PCDH9: variants seen among roughly 807,000 people sequenced by gnomAD.
PCDH9 encodes protocadherin 9, also known as protocadherin-9.
In PCDH9, 24 loss-of-function variants were observed where a neutral mutation model predicts 70.6. The ratio of observed to expected loss-of-function variants is 0.34; its 90% CI spans 0.25 to 0.48. PCDH9 has a LOEUF of 0.48. Ranked by LOEUF, PCDH9 falls within the 20% of genes least tolerant of loss-of-function variation. PCDH9 has a pLI of 0.99. For missense variants in PCDH9, 1,281 were observed against 1,503.6 expected, an observed-to-expected ratio of 0.85 and a Z score of 2.45; for synonymous variants, 562 against 558.5, an observed-to-expected ratio of 1.01 and a Z score of -0.09.
At chr13:66,896,172 GATCA>G (rs2082175358) in intron 3 of PCDH9, among the ~76,000 whole-genome samples, 1 of 152,118 alleles carries the variant, frequency 6.6e-6, no homozygotes, top group Non-Finnish European at 1.5e-5. Flanking sequence ...AGAAGGTGAT[GATCA>G]ATCTTTATAG....
intron 2 of PCDH9, among the ~76,000 whole-genome samples, chr13:67,101,484 A>G (rs552697715): frequency 9.2e-5 from 14 of 152,286 alleles, no homozygotes; most frequent in African/African-American, 2.9e-4. Context: ...AATTTCCCTC[A>G]CCCATTTAGA....
chr13:67,037,633 G>A (rs1383757162), intron 2 of PCDH9, among the ~76,000 whole-genome samples: 1 of 152,124 alleles, frequency 6.6e-6, no homozygotes, highest in African/African-American at 2.4e-5. Flanking sequence ...TTGTTACATT[G>A]TGAAAATCTG....
At chr13:66,514,031 G>C (rs1016557473) in intron 4 of PCDH9, among the ~76,000 whole-genome samples, 4 of 152,056 alleles carry the variant, frequency 2.6e-5, no homozygotes, top group Non-Finnish European at 4.4e-5. Context: ...GTGACCCCGA[G>C]TCCACATCCA....
intron 3 of PCDH9, among the ~76,000 whole-genome samples, chr13:66,736,391 T>C (rs1006485204): frequency 4.6e-5 from 7 of 152,158 alleles, no homozygotes; most frequent in African/African-American, 1.7e-4. Context: ...GGAAAGAACA[T>C]GTGAGGACAC....
chr13:67,015,368 T>C (rs1200251151), intron 2 of PCDH9, among the ~76,000 whole-genome samples: 1 of 152,140 alleles, frequency 6.6e-6, no homozygotes, highest in Non-Finnish European at 1.5e-5. Context: ...CAGAAGATAA[T>C]GAAGCTTAAT....
Position 66,568,206 on chromosome 13 carries a change from A to G in PCDH9, c.3340+63004T>C, listed in dbSNP as rs574433312. ...CTCTTTTTATCTACCATGTGAGGAC[A>G]CAGCAAGAACACAGCCATGTGCAAA... is the stretch of plus-strand genomic sequence containing the variant. On this transcript the variant is annotated intron_variant, in intron 4 of 4. Transcript: ENST00000377865. 1.8e-4 allele frequency among the ~76,000 whole-genome samples: 28 copies of G among 152,262 alleles called. No homozygotes were observed. The South Asian group carries it at 3.3e-3, about 18-fold the overall frequency.
chr13:66,913,768 G>GGAC (rs1202603810), intron 2 of PCDH9, among the ~76,000 whole-genome samples: 1 of 151,882 alleles, frequency 6.6e-6, no homozygotes, highest in African/African-American at 2.4e-5. Context: ...GTTGTTAAAG[G>GGAC]GACTGTAGGA....
At chr13:66,516,924 C>T (rs1959764274) in intron 4 of PCDH9, among the ~76,000 whole-genome samples, 1 of 152,084 alleles carries the variant, frequency 6.6e-6, no homozygotes, top group Non-Finnish European at 1.5e-5. Flanking sequence ...AATTTAAATG[C>T]TATTTGCTAT....
At chr13:66,927,982 T>C (rs1467706413) in intron 2 of PCDH9, among the ~76,000 whole-genome samples, 1 of 152,014 alleles carries the variant, frequency 6.6e-6, no homozygotes, top group Non-Finnish European at 1.5e-5. Flanking sequence ...TAATTTGAGG[T>C]CCTATTTGAA....
chr13:66,702,240 T>C (rs2078656891), intron 3 of PCDH9, among the ~76,000 whole-genome samples: 1 of 152,106 alleles, frequency 6.6e-6, no homozygotes, highest in Admixed American at 6.5e-5. Context: ...GTATATAGAA[T>C]TGAAATCTGA....
chr13:66,359,613 T>C (rs1956436087), intron 4 of PCDH9, among the ~76,000 whole-genome samples: 1 of 152,176 alleles, frequency 6.6e-6, no homozygotes, highest in African/African-American at 2.4e-5. Flanking sequence ...ACAATGAAGA[T>C]GAATTACATT....
At chr13:66,319,319 A>G (rs1955709666) in intron 4 of PCDH9, among the ~76,000 whole-genome samples, 1 of 152,134 alleles carries the variant, frequency 6.6e-6, no homozygotes, top group Non-Finnish European at 1.5e-5. Flanking sequence ...GGGGACTCAG[A>G]GCCAAACCAT....
chr13:66,462,998 A>G (rs1594020213), intron 4 of PCDH9, among the ~76,000 whole-genome samples: 2 of 151,880 alleles, frequency 1.3e-5, no homozygotes. Flanking sequence ...AGCTAGCCCA[A>G]TAAAATGCCA....
intron 3 of PCDH9, among the ~76,000 whole-genome samples, chr13:66,870,029 T>G (rs1275830145): frequency 6.6e-6 from 1 of 152,078 alleles, no homozygotes; most frequent in African/African-American, 2.4e-5. Context: ...ATGTCTAGGT[T>G]TTCTTCTAGG....
chr13:66,310,037 C>A (rs1955535736), intron 4 of PCDH9, among the ~76,000 whole-genome samples: 1 of 151,804 alleles, frequency 6.6e-6, no homozygotes, highest in Non-Finnish European at 1.5e-5. Flanking sequence ...ATTTTTTAAA[C>A]ACTGAAACAT....
At chr13:66,756,000 A>G (rs762367650) in intron 3 of PCDH9, among the ~76,000 whole-genome samples, 1 of 152,110 alleles carries the variant, frequency 6.6e-6, no homozygotes, top group Non-Finnish European at 1.5e-5. Context: ...ATGATTGCCC[A>G]GTAATTGTGG....
At chr13:66,729,799 G>A (rs1207394722) in intron 3 of PCDH9, among the ~76,000 whole-genome samples, 1 of 152,116 alleles carries the variant, frequency 6.6e-6, no homozygotes, top group Non-Finnish European at 1.5e-5. Flanking sequence ...TTCCTGAAAT[G>A]TCTTGACTTT....
intron 4 of PCDH9, among the ~76,000 whole-genome samples, chr13:66,381,422 C>G (rs1378912276): frequency 3.3e-5 from 5 of 152,170 alleles, no homozygotes; most frequent in Non-Finnish European, 7.4e-5. Flanking sequence ...CCCTTAGTAG[C>G]TTCCATAGAG....
At chr13:66,486,696 A>G (rs1414022679) in intron 4 of PCDH9, among the ~76,000 whole-genome samples, 1 of 151,968 alleles carries the variant, frequency 6.6e-6, no homozygotes, top group Admixed American at 6.6e-5. Context: ...TAGATATGTA[A>G]TATGCATGAT....
Sources: allele counts gnomAD v4.1 joint callset (sites outside exome capture counted in the v4.1 genomes callset), GRCh38; gene constraint gnomAD v4.1.1; transcripts MANE v1.5; gene names NCBI Gene and HGNC (gene_info 2026-07-23, HGNC 2026-07-21).